Variants in FAM168A observed in about 807,000 individuals in gnomAD.
FAM168A encodes the protein family with sequence similarity 168 member A.
FAM168A carries 3 observed loss-of-function variants against 28.5 expected under a neutral mutation model. The observed-to-expected ratio is 0.11, with a 90% CI of 0.05 to 0.27. FAM168A has a LOEUF of 0.27. Ranked by LOEUF, FAM168A falls within the 10% of genes least tolerant of loss-of-function variation. FAM168A has a pLI of 1.00. For synonymous variants in FAM168A, 122 were observed against 124.2 expected, an observed-to-expected ratio of 0.98 and a Z score of 0.12; for missense variants, 222 against 311.5, an observed-to-expected ratio of 0.71 and a Z score of 2.16.
chr11:73,597,255 C>T (rs541190110), intron 1 of FAM168A, among the ~76,000 whole-genome samples: 1 of 152,050 alleles, frequency 6.6e-6, no homozygotes, highest in African/African-American at 2.4e-5. Context: ...AAATTGCACT[C>T]TTCTGCTCTA....
intron 1 of FAM168A, among the ~76,000 whole-genome samples, chr11:73,541,281 TAGAA>T (rs139028458): frequency 0.066 from 10,008 of 151,998 alleles, 930 homozygotes; most frequent in African/African-American, 0.21. Flanking sequence ...TGCTATATAA[TAGAA>T]AGACCACAGG....
chr11:73,576,249 T>A (rs2134728214), intron 1 of FAM168A, among the ~76,000 whole-genome samples: 1 of 152,288 alleles, frequency 6.6e-6, no homozygotes. Context: ...CTGGGCTAAT[T>A]ACCCAACCAG....
intron 5 of FAM168A, among the ~76,000 whole-genome samples, chr11:73,410,227 G>A (rs1866584780): frequency 6.6e-6 from 1 of 152,082 alleles, no homozygotes; most frequent in Non-Finnish European, 1.5e-5. Context: ...CCAGCATGGT[G>A]AAACCCCATC....
chr11:73,411,559 A>T, intron 4 of FAM168A, 23 bp from the exon 5 acceptor site: 1 of 1,613,734 alleles, frequency 6.2e-7, no homozygotes, highest in Non-Finnish European at 8.5e-7. Context: ...AATAAGAGAG[A>T]CTTCCAGTTA....
chr11:73,544,867 A>AAAATAT (rs1220524784), intron 1 of FAM168A, among the ~76,000 whole-genome samples: 5 of 95,836 alleles, frequency 5.2e-5, no homozygotes, highest in African/African-American at 2.6e-4. Flanking sequence ...TATAATATAT[A>AAAATAT]ATTATATATA....
chr11:73,417,413 G>A (rs183602871), intron 4 of FAM168A, among the ~76,000 whole-genome samples: 171 of 152,270 alleles, frequency 1.1e-3, no homozygotes, highest in African/African-American at 3.9e-3. Flanking sequence ...TACAGTAGGT[G>A]TGCCTATATG....
chr11:73,568,260 T>C (rs1944045275), intron 1 of FAM168A, among the ~76,000 whole-genome samples: 1 of 152,172 alleles, frequency 6.6e-6, no homozygotes, highest in Non-Finnish European at 1.5e-5. Context: ...TCTTATCTCA[T>C]ATGGCTTCCA....
chr11:73,549,284 A>T (rs1340816930), intron 1 of FAM168A, among the ~76,000 whole-genome samples: 2 of 152,160 alleles, frequency 1.3e-5, no homozygotes, highest in Non-Finnish European at 2.9e-5. Context: ...ACTTAATTGT[A>T]CTTGCTTATT....
chr11:73,473,763 TA>T (rs1867847990), intron 1 of FAM168A, among the ~76,000 whole-genome samples: 1 of 152,016 alleles, frequency 6.6e-6, no homozygotes, highest in Non-Finnish European at 1.5e-5. Context: ...TTAACCAACT[TA>T]TCTAAAATAG....
At chr11:73,458,304 C>T (rs1867577632) in intron 2 of FAM168A, among the ~76,000 whole-genome samples, 1 of 152,160 alleles carries the variant, frequency 6.6e-6, no homozygotes, top group Non-Finnish European at 1.5e-5. Context: ...GGTGGGAAAT[C>T]ATTTTGTAAC....
At chr11:73,451,310 G>A (rs77403972) in intron 2 of FAM168A, among the ~76,000 whole-genome samples, 268 of 152,256 alleles carry the variant, frequency 1.8e-3, no homozygotes, top group African/African-American at 6.1e-3. Context: ...GAAGACCCTC[G>A]GGACAAAAAG....
chr11:73,405,775 G>C lies in FAM168A; in HGVS notation c.*988C>G, dbSNP rs1264855227. 1 of 152,148 alleles carries C rather than the reference G, an allele frequency of 6.6e-6. No individual in the cohort carries two copies. The highest frequency in any genetic ancestry group is 6.5e-5 in the Admixed American group (1 of 15,280). The allele number at this position is 152,148 out of a possible 1,614,324, so 9.4% of individuals were successfully genotyped here. ...ACAGGTGAGTCCTGGCACTGGGAAG[G>C]GCAAAAGAAAAGGGAGAGAAATGCC... is the stretch of plus-strand genomic sequence containing the variant. On this transcript the variant is annotated 3_prime_UTR_variant, in exon 8 of 8. Transcript: ENST00000356467.
At chr11:73,490,676 T>G (rs1469168287) in intron 1 of FAM168A, among the ~76,000 whole-genome samples, 2 of 152,188 alleles carry the variant, frequency 1.3e-5, no homozygotes, top group African/African-American at 4.8e-5. Flanking sequence ...ACTTCAGGTC[T>G]TAATTTAAAA....
At chr11:73,491,969 G>A (rs1949656190) in intron 1 of FAM168A, among the ~76,000 whole-genome samples, 1 of 152,232 alleles carries the variant, frequency 6.6e-6, no homozygotes, top group East Asian at 1.9e-4. Flanking sequence ...TATATCAAAG[G>A]TACTTTGTGA....
At chr11:73,547,642 T>C (rs903293327) in intron 1 of FAM168A, among the ~76,000 whole-genome samples, 2 of 152,006 alleles carry the variant, frequency 1.3e-5, no homozygotes, top group Admixed American at 6.6e-5. Flanking sequence ...CCGCTGCACT[T>C]CAGCCTGGGC....
chr11:73,560,188 T>C (rs7949882), intron 1 of FAM168A, among the ~76,000 whole-genome samples: 12,442 of 151,540 alleles, frequency 0.082, 1,549 homozygotes, highest in African/African-American at 0.27. Context: ...CTCAGCCTCC[T>C]GAGGAGCTGA....
At chr11:73,523,551 T>C (rs551511587) in intron 1 of FAM168A, among the ~76,000 whole-genome samples, 3 of 152,254 alleles carry the variant, frequency 2.0e-5, no homozygotes, top group African/African-American at 7.2e-5. Context: ...ATCCCCTATC[T>C]TACCTTTGAC....
intron 1 of FAM168A, among the ~76,000 whole-genome samples, chr11:73,580,754 A>G (rs1348413229): frequency 1.3e-5 from 2 of 152,138 alleles, no homozygotes; most frequent in Non-Finnish European, 2.9e-5. Flanking sequence ...GTTTTGAGAG[A>G]CTTCCTCTTG....
intron 1 of FAM168A, among the ~76,000 whole-genome samples, chr11:73,554,002 C>A (rs1252081733): frequency 1.3e-5 from 2 of 151,174 alleles, no homozygotes; most frequent in Non-Finnish European, 2.9e-5. Flanking sequence ...GACCCTATCT[C>A]AAAAAAATAA....
Sources: allele counts gnomAD v4.1 joint callset (sites outside exome capture counted in the v4.1 genomes callset), GRCh38; gene constraint gnomAD v4.1.1; transcripts MANE v1.5; gene names NCBI Gene and HGNC (gene_info 2026-07-23, HGNC 2026-07-21).